The following SH3GL2 variants were observed in gnomAD, a reference collection of about 807,000 sequenced individuals.
SH3GL2 encodes the protein endophilin-A1.
Under a neutral mutation model 46.0 loss-of-function variants are expected in SH3GL2, and 24 were observed. The ratio of observed to expected loss-of-function variants is 0.52; its 90% CI spans 0.38 to 0.73. The LOEUF (loss-of-function observed/expected upper bound fraction) is 0.73, where lower values mean the gene tolerates loss of function less well. Ranked by LOEUF, SH3GL2 falls within the 30% of genes least tolerant of loss-of-function variation. SH3GL2 has a pLI of 0.00. For synonymous variants in SH3GL2, 196 were observed against 147.1 expected, an observed-to-expected ratio of 1.33 and a Z score of -2.40; for missense variants, 413 against 424.2, an observed-to-expected ratio of 0.97 and a Z score of 0.23.
chr9:17,727,787 C>A (rs112103770), intron 1 of SH3GL2, among the ~76,000 whole-genome samples: 1 of 152,120 alleles, frequency 6.6e-6, no homozygotes, highest in African/African-American at 2.4e-5. Context: ...ACTTGGTGAC[C>A]GGCTCCAGAA....
At chr9:17,699,561 T>C (rs756172102) in intron 1 of SH3GL2, among the ~76,000 whole-genome samples, 13 of 152,320 alleles carry the variant, frequency 8.5e-5, no homozygotes, top group Non-Finnish European at 1.6e-4. Flanking sequence ...ACCAATCTCC[T>C]GCTGCCATCC....
At chr9:17,786,600 G>A in intron 4 of SH3GL2, 76 bp downstream of exon 4, 1 of 1,450,228 alleles carries the variant, frequency 6.9e-7, no homozygotes, top group Non-Finnish European at 9.6e-7. Context: ...AATTCTGTAG[G>A]GAATCGGTCA....
intron 2 of SH3GL2, among the ~76,000 whole-genome samples, chr9:17,749,026 C>T (rs1398100365): frequency 1.3e-5 from 2 of 152,158 alleles, no homozygotes; most frequent in Non-Finnish European, 2.9e-5. Flanking sequence ...TGAGATAGAC[C>T]TCACTGATGG....
chr9:17,707,770 G>T (rs927461686), intron 1 of SH3GL2, among the ~76,000 whole-genome samples: 2 of 152,010 alleles, frequency 1.3e-5, no homozygotes, highest in Non-Finnish European at 2.9e-5. Context: ...TTATGTCTAA[G>T]ATTTAAAGCA....
intron 1 of SH3GL2, among the ~76,000 whole-genome samples, chr9:17,622,559 C>T (rs1407158708): frequency 6.6e-6 from 1 of 152,222 alleles, no homozygotes; most frequent in East Asian, 1.9e-4. Context: ...TAGGTGTCCA[C>T]AACTTTATTC....
At chr9:17,789,228 C>T (rs1824052415) in intron 5 of SH3GL2, among the ~76,000 whole-genome samples, 164 bp from the exon 6 acceptor site, 1 of 152,168 alleles carries the variant, frequency 6.6e-6, no homozygotes, top group Non-Finnish European at 1.5e-5. Flanking sequence ...CCTTTGAAAG[C>T]ACTGGCCCCA....
At chr9:17,743,569 A>AACACACACACATAC (rs1554645791) in intron 1 of SH3GL2, among the ~76,000 whole-genome samples, 1 of 143,588 alleles carries the variant, frequency 7.0e-6, no homozygotes, top group Non-Finnish European at 1.5e-5. Flanking sequence ...CTCTTTTGTG[A>AACACACACACATAC]ACACACACAC....
At chr9:17,686,494 G>C (rs1366975569) in intron 1 of SH3GL2, among the ~76,000 whole-genome samples, 1 of 145,974 alleles carries the variant, frequency 6.9e-6, no homozygotes, top group Non-Finnish European at 1.5e-5. Flanking sequence ...GCACACGTAT[G>C]TTTATTGCGG....
chr9:17,694,043 C>T (rs565119314), intron 1 of SH3GL2, among the ~76,000 whole-genome samples: 5 of 152,246 alleles, frequency 3.3e-5, no homozygotes, highest in African/African-American at 1.2e-4. Context: ...AGTGGCAGTG[C>T]TTCTCTCGTT....
chr9:17,728,642 C>T (rs1383930144), intron 1 of SH3GL2, among the ~76,000 whole-genome samples: 1 of 152,080 alleles, frequency 6.6e-6, no homozygotes, highest in African/African-American at 2.4e-5. Context: ...CGACCCCAGA[C>T]AAGCCCCAGT....
intron 1 of SH3GL2, among the ~76,000 whole-genome samples, chr9:17,628,676 A>G (rs938971691): frequency 6.6e-6 from 1 of 151,750 alleles, no homozygotes; most frequent in African/African-American, 2.4e-5. Flanking sequence ...TTTTTTTTAA[A>G]TGGGTAGCTT....
intron 1 of SH3GL2, among the ~76,000 whole-genome samples, chr9:17,726,387 C>CTGAA (rs1822020484): frequency 6.6e-6 from 1 of 152,112 alleles, no homozygotes; most frequent in South Asian, 2.1e-4. Context: ...CAATAAACGT[C>CTGAA]TGAATGAATG....
At chr9:17,626,350 C>G (rs1392950218) in intron 1 of SH3GL2, among the ~76,000 whole-genome samples, 1 of 152,186 alleles carries the variant, frequency 6.6e-6, no homozygotes, top group Non-Finnish European at 1.5e-5. Flanking sequence ...ACAGTTGAGC[C>G]ACTCTGAGGT....
chr9:17,656,630 G>A (rs978092758), intron 1 of SH3GL2, among the ~76,000 whole-genome samples: 9 of 151,930 alleles, frequency 5.9e-5, no homozygotes, highest in African/African-American at 1.9e-4. Flanking sequence ...GCCAGTGGTA[G>A]CTGTTGAAAT....
At chr9:17,593,321 C>T (rs939238139) in intron 1 of SH3GL2, among the ~76,000 whole-genome samples, 4 of 151,868 alleles carry the variant, frequency 2.6e-5, no homozygotes, top group Non-Finnish European at 1.5e-5. Context: ...TGGGACCGAG[C>T]CCTCAACCTG....
chr9:17,604,275 C>T (rs2134568279), intron 1 of SH3GL2, among the ~76,000 whole-genome samples: 1 of 152,340 alleles, frequency 6.6e-6, no homozygotes, highest in South Asian at 2.1e-4. Context: ...CTCTGCTCTG[C>T]TGCTTACTCG....
chr9:17,759,305 A>G (rs1823100929), intron 2 of SH3GL2, among the ~76,000 whole-genome samples: 1 of 152,210 alleles, frequency 6.6e-6, no homozygotes, highest in Non-Finnish European at 1.5e-5. Flanking sequence ...AGAAGTTTCA[A>G]AATAAAAACA....
intron 1 of SH3GL2, among the ~76,000 whole-genome samples, chr9:17,599,302 ACTG>A (rs1382129299): frequency 6.6e-6 from 1 of 152,194 alleles, no homozygotes; most frequent in African/African-American, 2.4e-5. Context: ...AAAATGAAGA[ACTG>A]CTGAGTAGCA....
chr9:17,758,625 G>A (rs1016794861), intron 2 of SH3GL2, among the ~76,000 whole-genome samples: 4 of 143,850 alleles, frequency 2.8e-5, no homozygotes, highest in Non-Finnish European at 3.0e-5. Flanking sequence ...CCTAGGAATG[G>A]ATTTGCCAAA....
Sources: gnomAD v4.1 joint callset for allele counts (sites outside exome capture counted in the v4.1 genomes callset) on GRCh38, gnomAD v4.1.1 for gene constraint, MANE v1.5 for transcripts, NCBI Gene and HGNC (gene_info 2026-07-23, HGNC 2026-07-21) for gene names.